The following UBE2G1 variants were observed in gnomAD, a reference collection of about 807,000 sequenced individuals.
The protein encoded by UBE2G1 is ubiquitin conjugating enzyme E2 G1.
UBE2G1 carries 5 observed loss-of-function variants against 22.7 expected under a neutral mutation model. The observed-to-expected ratio is 0.22, with a 90% CI of 0.12 to 0.46. The LOEUF (loss-of-function observed/expected upper bound fraction) is 0.46. Ranked by LOEUF, UBE2G1 falls within the 20% of genes least tolerant of loss-of-function variation. UBE2G1 has a pLI of 0.99. For synonymous variants in UBE2G1, 74 were observed against 67.5 expected (o/e 1.10, Z -0.47); for missense variants, 88 against 203.9 (o/e 0.43, Z 3.46).
At chr17:4,294,702 A>G (rs1421148766) in intron 3 of UBE2G1, among the ~76,000 whole-genome samples, 1 of 152,130 alleles carries the variant, frequency 6.6e-6, no homozygotes, top group African/African-American at 2.4e-5. Context: ...ACTTGTGCCC[A>G]GGAGTTCAGG....
chr17:4,363,281 A>C (rs1370824623), intron 1 of UBE2G1, among the ~76,000 whole-genome samples: 1 of 152,218 alleles, frequency 6.6e-6, no homozygotes, highest in Non-Finnish European at 1.5e-5. Context: ...TTTAAAAAAA[A>C]ATTAAAAACA....
intron 5 of UBE2G1, among the ~76,000 whole-genome samples, chr17:4,275,777 C>G (rs1968814384): frequency 6.6e-6 from 1 of 152,086 alleles, no homozygotes; most frequent in Non-Finnish European, 1.5e-5. Context: ...TCCCCATTAC[C>G]CTTCACAAAA....
chr17:4,293,137 C>T (rs1283184743), intron 3 of UBE2G1, among the ~76,000 whole-genome samples: 2 of 152,038 alleles, frequency 1.3e-5, no homozygotes, highest in African/African-American at 2.4e-5. Flanking sequence ...ATTCCTCAAT[C>T]CCCCCCACCT....
intron 4 of UBE2G1, among the ~76,000 whole-genome samples, chr17:4,285,123 C>T (rs900006754): frequency 1.3e-5 from 2 of 152,016 alleles, no homozygotes; most frequent in African/African-American, 2.4e-5. Flanking sequence ...GGATTACAGG[C>T]GTAAGCCACC....
chr17:4,331,482 A>G (rs929814289), intron 1 of UBE2G1, among the ~76,000 whole-genome samples: 12 of 152,198 alleles, frequency 7.9e-5, no homozygotes, highest in African/African-American at 2.9e-4. Flanking sequence ...AAGATAAGAT[A>G]TTCTGAATAT....
At chr17:4,358,129 T>G (rs963200977) in intron 1 of UBE2G1, among the ~76,000 whole-genome samples, 4 of 152,202 alleles carry the variant, frequency 2.6e-5, no homozygotes, top group Non-Finnish European at 4.4e-5. Context: ...TTTTTTAATT[T>G]TAACTATTCT....
chr17:4,366,296 T>C lies in UBE2G1; in HGVS notation c.21A>G (p.Ala7=). 1 of 1,554,850 alleles carries C rather than the reference T, an allele frequency of 6.4e-7. No homozygotes were observed. Among genetic ancestry groups the C allele is most frequent in the Non-Finnish European group, 8.6e-7 (1 of 1,159,762 alleles). ...CTGCCAGCTGTCTTCGCAGTAGCAG[T>C]GCCGACTGCAGCTCCGTCATCCTCC... MTELQS[A]LLLRRQLAEL... Residue 7 remains alanine (A), a synonymous_variant, in exon 1 of 6, where the codon GCA becomes GCG. Transcript: ENST00000396981.
chr17:4,366,336 G>A lies in UBE2G1; in HGVS notation c.-20C>T. 1 of 1,532,238 alleles carries A rather than the reference G, an allele frequency of 6.5e-7. No homozygotes were observed. Among genetic ancestry groups the A allele is most frequent in the South Asian group, 1.2e-5 (1 of 83,738 alleles). 94.9% of individuals were successfully genotyped at this position (1,532,238 alleles called of 1,614,324 possible). A position where few individuals can be genotyped will look rare whatever the true frequency, so the allele number is the denominator to read the frequency against. ...CGTCATCCTCCCTGCCGAGGGCCCG[G>A]GCTGGCGCCGGGGCTTCCGAAGGGC... On this transcript the variant is annotated 5_prime_UTR_variant, in exon 1 of 6. Transcript: ENST00000396981.
chr17:4,321,878 ATGTG>A (rs1185364762), intron 1 of UBE2G1, among the ~76,000 whole-genome samples: 1 of 152,194 alleles, frequency 6.6e-6, no homozygotes, highest in Non-Finnish European at 1.5e-5. Context: ...TGCGATTCAA[ATGTG>A]TGTCTATAAA....
rs191357398 is a variant in UBE2G1 at position 4,343,594 on chromosome 17, T to A, written c.46+22677A>T. On this transcript the variant is annotated intron_variant, in intron 1 of 5. Coordinates refer to ENST00000396981, the MANE Select transcript of UBE2G1 (RefSeq NM_003342.5). ...ACTATACTCTTCTTCAAACCTTTTT[T>A]CTTTTTTTTTTTGAGACGGAGTCTC... Among the ~76,000 whole-genome samples, 57 of 114,434 alleles carry A rather than the reference T, an allele frequency of 5.0e-4. 1 individual carries two copies. In the East Asian group the frequency reaches 9.6e-3, roughly 19 times the overall value. 75.1% of individuals were successfully genotyped at this position (114,434 alleles called of 152,430 possible).
chr17:4,296,616 A>C, intron 3 of UBE2G1, 101 bp downstream of exon 3: 1 of 1,241,594 alleles, frequency 8.1e-7, no homozygotes, highest in Non-Finnish European at 1.2e-6. Context: ...AAAAATGCCA[A>C]AGCAATTTCA....
intron 1 of UBE2G1, among the ~76,000 whole-genome samples, chr17:4,350,539 T>C (rs1969832898): frequency 6.6e-6 from 1 of 151,998 alleles, no homozygotes; most frequent in South Asian, 2.1e-4. Flanking sequence ...AATAAAGAAT[T>C]CAGAGAACAT....
At chr17:4,361,457 G>A (rs1179227253) in intron 1 of UBE2G1, among the ~76,000 whole-genome samples, 1 of 152,052 alleles carries the variant, frequency 6.6e-6, no homozygotes, top group East Asian at 1.9e-4. Context: ...AATCCAGGAG[G>A]GAGAGATTGC....
At chr17:4,283,601 G>A in intron 4 of UBE2G1, among the ~76,000 whole-genome samples, 1 of 152,130 alleles carries the variant, frequency 6.6e-6, no homozygotes, top group East Asian at 1.9e-4. Context: ...AGGTAGATAG[G>A]TGGGATGCAT....
At chr17:4,350,950 G>A (rs911155715) in intron 1 of UBE2G1, among the ~76,000 whole-genome samples, 1 of 151,152 alleles carries the variant, frequency 6.6e-6, no homozygotes, top group African/African-American at 2.4e-5. Flanking sequence ...GGAGAATGGC[G>A]TGAACTCGGG....
chr17:4,360,642 T>C (rs1969955718), intron 1 of UBE2G1, among the ~76,000 whole-genome samples: 1 of 152,256 alleles, frequency 6.6e-6, no homozygotes, highest in Non-Finnish European at 1.5e-5. Context: ...CCCGGCGCAG[T>C]GGCTCACGCC....
chr17:4,345,422 T>C (rs999299308), intron 1 of UBE2G1, among the ~76,000 whole-genome samples: 1 of 152,232 alleles, frequency 6.6e-6, no homozygotes, highest in African/African-American at 2.4e-5. Context: ...GAAAATATAA[T>C]TTACTCTGAA....
At chr17:4,329,109 G>GAAAAA (rs56962666) in intron 1 of UBE2G1, among the ~76,000 whole-genome samples, 2 of 91,758 alleles carry the variant, frequency 2.2e-5, no homozygotes, top group South Asian at 4.4e-4. Context: ...GTCTCAAAAA[G>GAAAAA]AAAAAAAAAA....
At chr17:4,307,360 T>C (rs904466929) in intron 1 of UBE2G1, among the ~76,000 whole-genome samples, 13 of 152,192 alleles carry the variant, frequency 8.5e-5, no homozygotes, top group Non-Finnish European at 1.8e-4. Context: ...AGCCAGGCTC[T>C]TGTCATTCTA....
Sources: gnomAD v4.1 joint callset for allele counts (sites outside exome capture counted in the v4.1 genomes callset) on GRCh38, gnomAD v4.1.1 for gene constraint, MANE v1.5 for transcripts, NCBI Gene and HGNC (gene_info 2026-07-23, HGNC 2026-07-21) for gene names.